PNPLA1: variants seen among roughly 807,000 people sequenced by gnomAD.
PNPLA1 encodes omega-hydroxyceramide transacylase.
PNPLA1 carries 36 observed loss-of-function variants against 51.7 expected under a neutral mutation model. That is an observed-to-expected ratio of 0.70 (90% CI 0.53 to 0.92). The LOEUF is 0.92. PNPLA1 is among the 40% of genes least tolerant of loss of function. PNPLA1 has a pLI of 0.00. For synonymous variants in PNPLA1, 293 were observed against 280.1 expected (o/e 1.05, Z -0.46); for missense variants, 658 against 682.5 (o/e 0.96, Z 0.40).
intron 1 of PNPLA1, among the ~76,000 whole-genome samples, chr6:36,282,110 A>AAAGAAAGG (rs1164286356): frequency 6.9e-6 from 1 of 144,022 alleles, no homozygotes; most frequent in African/African-American, 2.7e-5. Flanking sequence ...GGAAGGAAGG[A>AAAGAAAGG]AGGAAGGAAG....
chr6:36,245,599 G>A lies in PNPLA1; in HGVS notation c.-81+2338G>A, dbSNP rs114608364. 4.3e-3 allele frequency among the ~76,000 whole-genome samples: 658 copies of A among 152,348 alleles called. 4 individuals carry two copies. Among genetic ancestry groups the A allele is most frequent in the African/African-American group, 0.015 (615 of 41,574 alleles). On this transcript the variant is annotated intron_variant, in intron 1 of 7. Transcript: ENST00000312917. ...TGCCTTCCAGGCACTGCTGCAGGGA[G>A]GGGTGGGTGGCTCTGCCCCTGTGCC... is the stretch of plus-strand genomic sequence containing the variant.
chr6:36,275,075 GGTTTT>G (rs1247779741), intron 1 of PNPLA1, among the ~76,000 whole-genome samples: 1 of 151,812 alleles, frequency 6.6e-6, no homozygotes, highest in African/African-American at 2.4e-5. Flanking sequence ...TTACAACTTG[GGTTTT>G]GTTTTGTTTT....
chr6:36,297,889 C>CACACACACA (rs1554138562), intron 5 of PNPLA1, among the ~76,000 whole-genome samples: 2 of 70,528 alleles, frequency 2.8e-5, no homozygotes, highest in African/African-American at 6.3e-5. Context: ...CACACACACA[C>CACACACACA]CCTGTGAAAC....
intron 7 of PNPLA1, among the ~76,000 whole-genome samples, chr6:36,306,809 A>G (rs1771252520): frequency 6.6e-6 from 1 of 152,232 alleles, no homozygotes; most frequent in African/African-American, 2.4e-5. Flanking sequence ...ATTTTCTATT[A>G]GCATGATAAT....
At chr6:36,250,616 T>C (rs1769400042) in intron 1 of PNPLA1, among the ~76,000 whole-genome samples, 1 of 152,146 alleles carries the variant, frequency 6.6e-6, no homozygotes, top group South Asian at 2.1e-4. Flanking sequence ...CCATTCTAGG[T>C]ATTAGGGTCA....
chr6:36,295,747 C>T (rs963980479), intron 5 of PNPLA1, among the ~76,000 whole-genome samples: 1 of 152,210 alleles, frequency 6.6e-6, no homozygotes, highest in Admixed American at 6.5e-5. Flanking sequence ...TGGAGAATTC[C>T]ATTTTCATGT....
chr6:36,264,719 A>G (rs1024546849), intron 1 of PNPLA1, among the ~76,000 whole-genome samples: 2 of 152,218 alleles, frequency 1.3e-5, no homozygotes, highest in Non-Finnish European at 2.9e-5. Flanking sequence ...GCTGGTGGGT[A>G]TATGAATGTT....
chr6:36,265,890 G>A (rs1363036223), upstream of PNPLA1, among the ~76,000 whole-genome samples: 1 of 152,106 alleles, frequency 6.6e-6, no homozygotes, highest in Non-Finnish European at 1.5e-5. Flanking sequence ...ATTTTACCAG[G>A]GCTGGTCTGT....
Position 36,270,312 on chromosome 6 carries a change from T to G in PNPLA1, c.-148T>G. 1.2e-6 allele frequency: 1 copy of G among 807,556 alleles called. No homozygotes were observed. Among genetic ancestry groups the G allele is most frequent in the Non-Finnish European group, 2.0e-6 (1 of 497,840 alleles). The allele number at this position is 807,556 out of a possible 1,614,324, so 50.0% of individuals were successfully genotyped here. On this transcript the variant is annotated 5_prime_UTR_variant, in exon 1 of 9. Transcript: ENST00000636260. ...AGCTTCCTGAGCAGCCTGTGGTTGC[T>G]CCAGCCGGGTAGAGACAGCCACATT...
intron 1 of PNPLA1, among the ~76,000 whole-genome samples, chr6:36,282,092 G>GAAAGAAA (rs59914317): frequency 0.069 from 2,751 of 39,626 alleles, 118 homozygotes; most frequent in Non-Finnish European, 0.075. Context: ...AAAGAAAGAA[G>GAAAGAAA]GAAGGAAGGA....
At chr6:36,282,259 A>AAAGAAAGAAGGAAAGAAAGG (rs1770341806) in intron 1 of PNPLA1, among the ~76,000 whole-genome samples, 2 of 152,024 alleles carry the variant, frequency 1.3e-5, no homozygotes, top group Non-Finnish European at 2.9e-5. Context: ...GGAAAGAAAG[A>AAAGAAAGAAGGAAAGAAAGG]AAGAAAGAAA....
At chr6:36,309,733 A>G (rs956645062) in intron 8 of PNPLA1, among the ~76,000 whole-genome samples, 13 of 152,190 alleles carry the variant, frequency 8.5e-5, no homozygotes, top group African/African-American at 2.7e-4. Flanking sequence ...TCCTTTACAG[A>G]ACAGATGCTG....
At chr6:36,287,639 G>C in intron 1 of PNPLA1, among the ~76,000 whole-genome samples, 1 of 152,128 alleles carries the variant, frequency 6.6e-6, no homozygotes, top group East Asian at 1.9e-4. Context: ...CTTTCTACCA[G>C]CATAGATTTG....
chr6:36,291,251 C>T, intron 1 of PNPLA1, 69 bp from the exon 2 acceptor site: 1 of 1,294,992 alleles, frequency 7.7e-7, no homozygotes, highest in Non-Finnish European at 1.1e-6. Flanking sequence ...GAGAAACCAC[C>T]CTAGACCTCC....
At chr6:36,248,894 G>C (rs1376430282) in intron 1 of PNPLA1, among the ~76,000 whole-genome samples, 1 of 152,150 alleles carries the variant, frequency 6.6e-6, no homozygotes, top group African/African-American at 2.4e-5. Context: ...TTCTGAAAAA[G>C]GGGGGGTGTG....
chr6:36,279,900 C>A (rs1038435716), intron 1 of PNPLA1, among the ~76,000 whole-genome samples: 1 of 152,160 alleles, frequency 6.6e-6, no homozygotes, highest in African/African-American at 2.4e-5. Flanking sequence ...TCCCAGAGAA[C>A]AAATTAAACT....
chr6:36,282,123 AGGAAGGAAGGAAGGAAAG>A (rs1263450554), intron 1 of PNPLA1, among the ~76,000 whole-genome samples: 3 of 120,150 alleles, frequency 2.5e-5, no homozygotes, highest in Admixed American at 9.3e-5. Flanking sequence ...GAAGGAAGGA[AGGAAGGAAGGAAGGAAAG>A]AGAGACAGAG....
chr6:36,271,766 C>T (rs1197202909), intron 1 of PNPLA1, among the ~76,000 whole-genome samples: 2 of 152,192 alleles, frequency 1.3e-5, no homozygotes, highest in African/African-American at 2.4e-5. Context: ...GGGGCCAGGT[C>T]ATGTGGCCTT....
At chr6:36,300,581 G>C (rs1771011525) in intron 5 of PNPLA1, among the ~76,000 whole-genome samples, 1 of 152,102 alleles carries the variant, frequency 6.6e-6, no homozygotes, top group African/African-American at 2.4e-5. Flanking sequence ...ATTAAGCTGG[G>C]GTTTTGAGTT....
Sources: gnomAD v4.1 joint callset for allele counts (sites outside exome capture counted in the v4.1 genomes callset) on GRCh38, gnomAD v4.1.1 for gene constraint, MANE v1.5 for transcripts, NCBI Gene and HGNC (gene_info 2026-07-23, HGNC 2026-07-21) for gene names.